The following FIP1L1 variants were observed in gnomAD, a reference collection of about 807,000 sequenced individuals.
FIP1L1 encodes the protein pre-mRNA 3'-end-processing factor FIP1.
A neutral mutation model predicts 84.6 loss-of-function variants in FIP1L1; 21 were observed. The observed-to-expected ratio is 0.25, with a 90% CI of 0.18 to 0.36. FIP1L1 has a LOEUF of 0.36. Among genes scored for constraint, FIP1L1 ranks in the 10% least tolerant of loss-of-function variants. The pLI is 1.00. For synonymous variants in FIP1L1, 263 were observed against 242.3 expected (o/e 1.09, Z -0.80); for missense variants, 526 against 751.1 (o/e 0.70, Z 3.50).
chr4:53,455,738 T>A (rs1718567241), intron 16 of FIP1L1, among the ~76,000 whole-genome samples: 1 of 152,086 alleles, frequency 6.6e-6, no homozygotes, highest in South Asian at 2.1e-4. Context: ...GCATTTTCCG[T>A]GAACTTTTTG....
chr4:53,459,318 C>T lies in FIP1L1; in HGVS notation c.1654C>T (p.His552Tyr). ...TTTTTCCAGTAATAGTAGACGTCGC[C>T]ATGAAAGTGAAGAAGGAGATAGTCA... The part of the protein sequence containing the change: ...KSSRSNSRRR[H>Y]ESEEGDSHRR... Residue 552 changes from histidine (H) to tyrosine (Y), a missense_variant, in exon 18 of 18, where the codon CAT (histidine) becomes TAT (tyrosine). Transcript: ENST00000337488. The T allele has an allele frequency of 6.3e-7, 1 of 1,584,374 alleles. No individual in the cohort carries two copies. The highest frequency in any genetic ancestry group is 1.1e-5 in the South Asian group (1 of 88,418).
rs528048984 is a variant in FIP1L1, at chr4:53,422,432, A to C, written c.924-3440A>C. 1.4e-4 allele frequency among the ~76,000 whole-genome samples: 21 copies of C among 152,066 alleles called. No individual in the cohort carries two copies. The East Asian group carries it at 3.1e-3, about 22-fold the overall frequency. ...TGTACTCATATTTTCTCTTAGACTC[A>C]GAGGAGAATCTTTTTCTGTTTATTC... On this transcript the variant is annotated intron_variant, in intron 11 of 17. Transcript: ENST00000337488.
chr4:53,449,999 C>T (rs952023733), intron 15 of FIP1L1, among the ~76,000 whole-genome samples: 1 of 151,972 alleles, frequency 6.6e-6, no homozygotes, highest in Admixed American at 6.6e-5. Flanking sequence ...ATAAAATTGT[C>T]GTGTTTTATT....
At chr4:53,406,809 A>T (rs1753773492) in intron 10 of FIP1L1, among the ~76,000 whole-genome samples, 1 of 152,156 alleles carries the variant, frequency 6.6e-6, no homozygotes, top group Non-Finnish European at 1.5e-5. Flanking sequence ...AAGTGTTTGT[A>T]GTATTCTCTC....
intron 9 of FIP1L1, 146 bp downstream of exon 9, chr4:53,391,644 A>G (rs1192668949): frequency 3.1e-5 from 19 of 607,344 alleles, no homozygotes; most frequent in Non-Finnish European, 4.7e-5. Flanking sequence ...AAATTTGCTG[A>G]TTGTTGTTTT....
In FIP1L1 at chr4:53,405,682, C is replaced by G. The variant is rs555145291; in HGVS notation, c.815+5843C>G. Among the ~76,000 whole-genome samples the G allele has an allele frequency of 5.0e-3, 717 of 142,828 alleles. 4 individuals are homozygous for G. The highest frequency in any genetic ancestry group is 7.6e-3 in the Non-Finnish European group (495 of 65,158). The allele number at this position is 142,828 out of a possible 152,430, so 93.7% of individuals were successfully genotyped here. A position where few individuals can be genotyped will look rare whatever the true frequency, so the allele number is the denominator to read the frequency against. On this transcript the variant is annotated intron_variant, in intron 10 of 17. Coordinates refer to ENST00000337488, the MANE Select transcript of FIP1L1 (RefSeq NM_030917.4). Reference sequence around the variant, plus strand: ...ATTTGTTTGTGTCCTCTTTTATTTCCTTGAGCAGTGGTTTGTAGTTCTCCT... The same window carrying G: ...ATTTGTTTGTGTCCTCTTTTATTTCGTTGAGCAGTGGTTTGTAGTTCTCCT...
chr4:53,421,811 A>G (rs1316498891), intron 11 of FIP1L1, among the ~76,000 whole-genome samples: 3 of 152,356 alleles, frequency 2.0e-5, no homozygotes, highest in East Asian at 3.9e-4. Context: ...AATTTGCTAT[A>G]AACTCTGGAC....
rs1721381696 is a variant in FIP1L1, at chr4:53,459,592, AAG to A, written c.*146_*147del. On this transcript the variant is annotated 3_prime_UTR_variant, in exon 18 of 18. Coordinates refer to ENST00000337488, the MANE Select transcript of FIP1L1 (RefSeq NM_030917.4). The stretch of plus-strand genomic sequence containing the variant: ...AAAGTTAACTTTTTTTCCAAAATAA[AAG>A]AGTGAATTTTTCATGTTAAGTTAAA... 5.9e-6 allele frequency: 7 copies of A among 1,186,868 alleles called. No individual in the cohort carries two copies. The highest frequency in any genetic ancestry group is 5.6e-5 in the South Asian group (4 of 71,674). 73.5% of individuals were successfully genotyped at this position (1,186,868 alleles called of 1,614,324 possible). A position where few individuals can be genotyped will look rare whatever the true frequency, so the allele number is the denominator to read the frequency against.
intron 10 of FIP1L1, among the ~76,000 whole-genome samples, chr4:53,408,976 A>T (rs889362311): frequency 2.6e-5 from 4 of 152,116 alleles, no homozygotes; most frequent in African/African-American, 9.7e-5. Flanking sequence ...TGATCGTCTG[A>T]AGCTTTCTTC....
chr4:53,411,860 TCTTAA>T (rs1757379654), intron 10 of FIP1L1, among the ~76,000 whole-genome samples: 1 of 152,128 alleles, frequency 6.6e-6, no homozygotes, highest in African/African-American at 2.4e-5. Context: ...AACGTTAGCA[TCTTAA>T]CTTTTTGTGA....
intron 10 of FIP1L1, among the ~76,000 whole-genome samples, chr4:53,408,066 G>A (rs2149636445): frequency 6.6e-6 from 1 of 152,306 alleles, no homozygotes; most frequent in African/African-American, 2.4e-5. Context: ...TTGCTCGTTA[G>A]TTGATGCAGT....
chr4:53,405,014 G>T (rs1248682063), intron 10 of FIP1L1, among the ~76,000 whole-genome samples: 10 of 151,372 alleles, frequency 6.6e-5, no homozygotes, highest in Non-Finnish European at 1.0e-4. Context: ...TTAGTTTAAT[G>T]AGATCCCATT....
chr4:53,432,055 A>G (rs1346147182), intron 13 of FIP1L1, among the ~76,000 whole-genome samples: 1 of 152,162 alleles, frequency 6.6e-6, no homozygotes, highest in Non-Finnish European at 1.5e-5. Context: ...CTGGAAGTGC[A>G]AAAGCATTTA....
intron 8 of FIP1L1, 38 bp downstream of exon 8, chr4:53,391,177 T>G: frequency 6.4e-7 from 1 of 1,572,718 alleles, no homozygotes; most frequent in Non-Finnish European, 8.6e-7. Context: ...TTGGCTTGTC[T>G]ACCGTCCCAC....
At position 53,428,275 on chromosome 4, in the gene FIP1L1, C is replaced by T. The variant is rs1765111812; in HGVS notation, c.1174+92C>T. The T allele has an allele frequency of 1.1e-5, 14 of 1,251,974 alleles. No homozygotes were observed. In the South Asian group the frequency reaches 2.1e-4, roughly 19 times the overall value. 77.6% of individuals were successfully genotyped at this position (1,251,974 alleles called of 1,614,324 possible). ...GACAATTAAAATAATATCTTGATCA[C>T]ATTTCATTAAAAGTAATAGATATAA... On this transcript the variant is annotated intron_variant, in intron 13 of 17. Coordinates refer to ENST00000337488, the MANE Select transcript of FIP1L1 (RefSeq NM_030917.4).
intron 10 of FIP1L1, 27 bp downstream of exon 10, chr4:53,399,866 A>T: frequency 7.3e-7 from 1 of 1,375,532 alleles, no homozygotes. Context: ...TAACTCAATT[A>T]CTGTACGACA....
intron 13 of FIP1L1, among the ~76,000 whole-genome samples, chr4:53,436,282 C>G (rs912176800): frequency 1.1e-4 from 17 of 152,170 alleles, no homozygotes. Flanking sequence ...GCTTTAAGGT[C>G]TCTCTCAGAC....
chr4:53,385,505 T>C (rs567050998), intron 5 of FIP1L1, among the ~76,000 whole-genome samples: 1 of 152,230 alleles, frequency 6.6e-6, no homozygotes, highest in African/African-American at 2.4e-5. Flanking sequence ...TCAAAACTCT[T>C]CAAAAAAACA....
chr4:53,402,532 T>C lies in FIP1L1; in HGVS notation c.815+2693T>C, dbSNP rs1750821662. ...GCCTTGCCAACATGGCAAAACCCCATCTCAACTAAAAATACAAAAATTAGC... is the reference window on the plus strand; with the variant it reads ...GCCTTGCCAACATGGCAAAACCCCACCTCAACTAAAAATACAAAAATTAGC... On this transcript the variant is annotated intron_variant, in intron 10 of 17. Transcript: ENST00000337488. Among the ~76,000 whole-genome samples, 4 of 152,196 alleles carry C rather than the reference T, an allele frequency of 2.6e-5. No homozygotes were observed. The South Asian group carries it at 8.3e-4, about 32-fold the overall frequency.
Sources: gnomAD v4.1 joint callset for allele counts (sites outside exome capture counted in the v4.1 genomes callset) on GRCh38, gnomAD v4.1.1 for gene constraint, MANE v1.5 for transcripts, NCBI Gene and HGNC (gene_info 2026-07-23, HGNC 2026-07-21) for gene names.